Variants in TFAP2D observed in about 807,000 individuals in gnomAD.
The protein encoded by TFAP2D is transcription factor AP-2 delta, also known as transcription factor AP-2-delta.
In TFAP2D, 9 loss-of-function variants were observed where a neutral mutation model predicts 43.6. The observed-to-expected ratio is 0.21, with a 90% CI of 0.12 to 0.36. The LOEUF (loss-of-function observed/expected upper bound fraction) is 0.36, where lower values mean the gene tolerates loss of function less well. TFAP2D is among the 10% of genes least tolerant of loss of function. The pLI is 1.00. For missense variants in TFAP2D, 513 were observed against 561.4 expected, an observed-to-expected ratio of 0.91 and a Z score of 0.87; for synonymous variants, 256 against 224.9, an observed-to-expected ratio of 1.14 and a Z score of -1.24.
rs182072970 is a variant in TFAP2D at position 50,744,896 on chromosome 6, G to A, written c.884-211G>A. 4.6e-5 allele frequency among the ~76,000 whole-genome samples: 7 copies of A among 152,102 alleles called. No homozygotes were observed. The East Asian group carries it at 1.4e-3, about 29-fold the overall frequency. ...CTCAATTTTCCACCTATCCCTGCCT[G>A]CTAAGTCACTTCTCTGTTCCTCAAT... On this transcript the variant is annotated intron_variant, in intron 5 of 7. Coordinates refer to ENST00000008391, the MANE Select transcript of TFAP2D (RefSeq NM_172238.4).
chr6:50,724,009 G>A (rs1421877143), intron 3 of TFAP2D, among the ~76,000 whole-genome samples: 1 of 151,960 alleles, frequency 6.6e-6, no homozygotes, highest in African/African-American at 2.4e-5. Context: ...CAAACAATTC[G>A]CTCCTTACAC....
In TFAP2D at chr6:50,715,280, G is replaced by A. The variant is rs746969468; in HGVS notation, c.204G>A (p.Pro68=). The change falls in exon 2 of 8, where the codon CCG becomes CCA. Residue 68 remains proline (P), a synonymous_variant. Coordinates refer to ENST00000008391, the MANE Select transcript of TFAP2D (RefSeq NM_172238.4). ...PYFSTNHQYT[P]LHHQSFHYEF... Reference sequence around the variant, plus strand: ...TCTCCACTAACCACCAGTACACCCCGCTCCACCACCAGTCCTTCCATTACG... The same window carrying A: ...TCTCCACTAACCACCAGTACACCCCACTCCACCACCAGTCCTTCCATTACG... 28 of 1,613,388 alleles carry A rather than the reference G, an allele frequency of 1.7e-5. No homozygotes were observed. The highest frequency in any genetic ancestry group is 2.2e-5 in the Non-Finnish European group (26 of 1,179,830).
chr6:50,748,076 T>G (rs1257894893), intron 6 of TFAP2D, among the ~76,000 whole-genome samples: 2 of 151,982 alleles, frequency 1.3e-5, no homozygotes, highest in African/African-American at 2.4e-5. Context: ...TTTTTGTTAC[T>G]TATATGCATC....
chr6:50,737,396 C>T (rs1768979020), intron 5 of TFAP2D, among the ~76,000 whole-genome samples: 2 of 152,148 alleles, frequency 1.3e-5, no homozygotes, highest in African/African-American at 4.8e-5. Flanking sequence ...CTACAATAAA[C>T]ATTTGAGTTC....
chr6:50,739,660 T>G (rs1769010281), intron 5 of TFAP2D, among the ~76,000 whole-genome samples: 1 of 152,206 alleles, frequency 6.6e-6, no homozygotes, highest in Non-Finnish European at 1.5e-5. Flanking sequence ...TTTCTGTATA[T>G]ATTTAATTCT....
intron 7 of TFAP2D, among the ~76,000 whole-genome samples, chr6:50,769,236 T>C (rs765412344): frequency 7.9e-5 from 12 of 152,276 alleles, no homozygotes; most frequent in Non-Finnish European, 1.8e-4. Flanking sequence ...TCCATGTCCT[T>C]GATTTTAATA....
rs1012318559 is a variant in TFAP2D at position 50,772,694 on chromosome 6, A to C, written c.1189A>C (p.Thr397Pro). The change falls in exon 8 of 8, where the codon ACT becomes CCT. Residue 397 changes from threonine (T) to proline (P), a missense_variant. Transcript: ENST00000008391. ...TCCGGCAATATGTGCAGCTCTAAGCACTTTCCAAACAGTTCTCAGTGAAAT... is the reference window on the plus strand; with the variant it reads ...TCCGGCAATATGTGCAGCTCTAAGCCCTTTCCAAACAGTTCTCAGTGAAAT... ...GTPAICAALS[T>P]FQTVLSEMLN... 6.2e-7 allele frequency: 1 copy of C among 1,614,162 alleles called. No individual in the cohort carries two copies. The highest frequency in any genetic ancestry group is 8.5e-7 in the Non-Finnish European group (1 of 1,180,006).
Position 50,772,930 on chromosome 6 carries a change from T to C in TFAP2D, c.*66T>C, listed in dbSNP as rs896467387. Reference sequence around the variant, plus strand: ...GATATTTTTTCTAATATATATATCATTGAGGGTGACTAATCTTCAGTGGAC... The same window carrying C: ...GATATTTTTTCTAATATATATATCACTGAGGGTGACTAATCTTCAGTGGAC... On this transcript the variant is annotated 3_prime_UTR_variant, in exon 8 of 8. Coordinates refer to ENST00000008391, the MANE Select transcript of TFAP2D (RefSeq NM_172238.4). 6 of 1,433,860 alleles carry C rather than the reference T, an allele frequency of 4.2e-6. No individual in the cohort carries two copies. The highest frequency in any genetic ancestry group is 2.8e-5 in the African/African-American group (2 of 70,234). The allele number at this position is 1,433,860 out of a possible 1,614,324, so 88.8% of individuals were successfully genotyped here. A position where few individuals can be genotyped will look rare whatever the true frequency, so the allele number is the denominator to read the frequency against.
chr6:50,758,025 A>C lies in TFAP2D; in HGVS notation c.1139+6701A>C, dbSNP rs1455117148. Among the ~76,000 whole-genome samples, 4 of 151,364 alleles carry C rather than the reference A, an allele frequency of 2.6e-5. No individual in the cohort carries two copies. The East Asian group carries it at 7.8e-4, about 30-fold the overall frequency. The stretch of plus-strand genomic sequence containing the variant: ...AATATCTCAATTGGGTCCTGTGTAT[A>C]TTCTCCACTGGTTCATTCTCAGGGC... On this transcript the variant is annotated intron_variant, in intron 7 of 7. Coordinates refer to ENST00000008391, the MANE Select transcript of TFAP2D (RefSeq NM_172238.4).
At chr6:50,722,552 G>A (rs868452349) in intron 3 of TFAP2D, among the ~76,000 whole-genome samples, 2 of 151,648 alleles carry the variant, frequency 1.3e-5, no homozygotes. Context: ...CCTTATGGCC[G>A]CCTCCCCTTT....
At chr6:50,719,619 C>G (rs1210889513) in intron 3 of TFAP2D, among the ~76,000 whole-genome samples, 1 of 152,210 alleles carries the variant, frequency 6.6e-6, no homozygotes, top group Non-Finnish European at 1.5e-5. Context: ...ATGGTGTTAG[C>G]TTCAGGCTTT....
chr6:50,729,615 C>A (rs903542665), intron 5 of TFAP2D, among the ~76,000 whole-genome samples: 1 of 152,142 alleles, frequency 6.6e-6, no homozygotes, highest in Admixed American at 6.5e-5. Context: ...GCGCTCTTGT[C>A]ATTTGCATTA....
chr6:50,740,679 C>A (rs1321538887), intron 5 of TFAP2D, among the ~76,000 whole-genome samples: 3 of 152,098 alleles, frequency 2.0e-5, no homozygotes, highest in African/African-American at 7.2e-5. Flanking sequence ...CCTCGTGATC[C>A]ACTGGGCTTG....
intron 7 of TFAP2D, among the ~76,000 whole-genome samples, chr6:50,771,117 A>G (rs909569660): frequency 6.6e-6 from 1 of 152,220 alleles, no homozygotes; most frequent in Non-Finnish European, 1.5e-5. Context: ...TGAGGTTACC[A>G]TAACATTCCT....
chr6:50,728,348 G>C (rs894362568), intron 3 of TFAP2D, among the ~76,000 whole-genome samples: 1 of 152,144 alleles, frequency 6.6e-6, no homozygotes, highest in Non-Finnish European at 1.5e-5. Context: ...GGGATTGAGT[G>C]ACTGTTTTGC....
intron 5 of TFAP2D, among the ~76,000 whole-genome samples, chr6:50,735,105 T>C (rs886755183): frequency 1.3e-5 from 2 of 152,102 alleles, no homozygotes; most frequent in Non-Finnish European, 2.9e-5. Flanking sequence ...TAAATCAGAA[T>C]GTTTGCAAAG....
intron 3 of TFAP2D, among the ~76,000 whole-genome samples, chr6:50,722,812 A>G (rs1308507572): frequency 6.7e-6 from 1 of 148,638 alleles, no homozygotes; most frequent in Non-Finnish European, 1.5e-5. Context: ...GGCAACTAAA[A>G]AGGGGGGGGC....
At position 50,715,221 on chromosome 6, in the gene TFAP2D, TCCA is replaced by T. The variant is rs763178643; in HGVS notation, c.151_153del (p.Thr51del). On this transcript the variant is annotated inframe_deletion, in exon 2 of 8. Coordinates refer to ENST00000008391, the MANE Select transcript of TFAP2D (RefSeq NM_172238.4). ...TTCCTCCTCCTCTCCTTTAACTTAC[TCCA>T]CCACCGGCACCGAGTTTGCGTCCCC... The T allele has an allele frequency of 1.2e-6, 2 of 1,613,612 alleles. No homozygotes were observed. The highest frequency in any genetic ancestry group is 2.2e-5 in the South Asian group (2 of 91,056).
intron 7 of TFAP2D, among the ~76,000 whole-genome samples, chr6:50,756,814 T>TGGTGGCATTAGAACAA (rs1198494369): frequency 6.6e-6 from 1 of 151,958 alleles, no homozygotes; most frequent in Non-Finnish European, 1.5e-5. Context: ...CTGGGAATAG[T>TGGTGGCATTAGAACAA]GGTGGCATTA....
Sources: allele counts gnomAD v4.1 joint callset (sites outside exome capture counted in the v4.1 genomes callset), GRCh38; gene constraint gnomAD v4.1.1; transcripts MANE v1.5; gene names NCBI Gene and HGNC (gene_info 2026-07-23, HGNC 2026-07-21).